Variants in BIN1 observed in about 807,000 individuals in gnomAD.
BIN1 encodes the protein myc box-dependent-interacting protein 1.
Under a neutral mutation model 82.0 loss-of-function variants are expected in BIN1, and 53 were observed. The observed-to-expected ratio is 0.65, with a 90% confidence interval of 0.52 to 0.81. BIN1 has a LOEUF of 0.81. Among genes scored for constraint, BIN1 ranks in the 40% least tolerant of loss-of-function variants. BIN1 has a pLI of 0.00. For synonymous variants in BIN1, 302 were observed against 328.0 expected, an observed-to-expected ratio of 0.92 and a Z score of 0.86; for missense variants, 642 against 784.4, an observed-to-expected ratio of 0.82 and a Z score of 2.17.
At chr2:127,056,902 A>G (rs753032057) in intron 12 of BIN1, among the ~76,000 whole-genome samples, 3 of 151,972 alleles carry the variant, frequency 2.0e-5, no homozygotes, top group Admixed American at 2.0e-4. Context: ...GAGACCCAAG[A>G]CCCTCTGCGT....
At chr2:127,084,996 T>A (rs1028306192) in intron 1 of BIN1, among the ~76,000 whole-genome samples, 3 of 152,136 alleles carry the variant, frequency 2.0e-5, no homozygotes, top group African/African-American at 7.2e-5. Context: ...AAGCTAGCAG[T>A]CTCCTGGTGA....
At chr2:127,062,387 A>C (rs1684621604) in intron 9 of BIN1, among the ~76,000 whole-genome samples, 190 bp from the exon 10 acceptor site, 1 of 152,232 alleles carries the variant, frequency 6.6e-6, no homozygotes, top group Non-Finnish European at 1.5e-5. Flanking sequence ...AAACGGGGCA[A>C]GTGGGCTATA....
intron 1 of BIN1, among the ~76,000 whole-genome samples, chr2:127,105,379 C>G (rs968987626): frequency 1.3e-5 from 2 of 152,014 alleles, no homozygotes; most frequent in Non-Finnish European, 1.5e-5. Context: ...CAGCCCGGAG[C>G]AGGGGTGGCT....
At position 127,048,407 on chromosome 2, in the gene BIN1, C is replaced by T; in HGVS notation, c.*119G>A. ...GAACGCCCCTCTGCCTGGGGGTCTC[C>T]TCTTGATTTCCCTTTGCTCTTCAAA... On this transcript the variant is annotated 3_prime_UTR_variant, in exon 19 of 19. Coordinates refer to ENST00000316724, the MANE Select transcript of BIN1 (RefSeq NM_139343.3). 1 of 995,106 alleles carries T rather than the reference C, an allele frequency of 1.0e-6. No homozygotes were observed. Among genetic ancestry groups the T allele is most frequent in the East Asian group, 2.5e-5 (1 of 39,968 alleles). The allele number at this position is 995,106 out of a possible 1,614,324, so 61.6% of individuals were successfully genotyped here.
intron 11 of BIN1, 150 bp downstream of exon 11, chr2:127,058,861 G>A: frequency 7.9e-7 from 1 of 1,261,422 alleles, no homozygotes; most frequent in Non-Finnish European, 1.1e-6. Context: ...GGAGACCCAG[G>A]TCCAGGCCCA....
intron 2 of BIN1, among the ~76,000 whole-genome samples, chr2:127,072,829 G>A (rs1026474808): frequency 6.6e-6 from 1 of 152,126 alleles, no homozygotes; most frequent in African/African-American, 2.4e-5. Flanking sequence ...CGGGGAATGA[G>A]GAAGGGTCCA....
At chr2:127,088,216 C>G (rs942912403) in intron 1 of BIN1, among the ~76,000 whole-genome samples, 5 of 152,200 alleles carry the variant, frequency 3.3e-5, no homozygotes, top group African/African-American at 1.2e-4. Context: ...AAGAGCAGGA[C>G]AGGCACAGAA....
chr2:127,106,118 C>T (rs778952746), intron 1 of BIN1, among the ~76,000 whole-genome samples: 3 of 152,238 alleles, frequency 2.0e-5, no homozygotes, highest in Non-Finnish European at 4.4e-5. Flanking sequence ...CTCCTCCAGG[C>T]CAGCTCCCCA....
At position 127,068,284 on chromosome 2, in the gene BIN1, G is replaced by T. The variant is rs375455406; in HGVS notation, c.520-29C>A. The T allele has an allele frequency of 1.9e-6, 3 of 1,578,682 alleles. No individual in the cohort carries two copies. Among genetic ancestry groups the T allele is most frequent in the Non-Finnish European group, 2.6e-6 (3 of 1,154,934 alleles). ...GGGTGGGGAGGTCAAGGCAAAGGAA[G>T]GTGGAGAGACCAGGGAGGTGGGGAG... is the stretch of plus-strand genomic sequence containing the variant. On this transcript the variant is annotated intron_variant, in intron 6 of 18. Transcript: ENST00000316724. The surrounding 1 kb of genome is among the most constrained non-coding windows in gnomAD (Gnocchi z 4.9).
intron 4 of BIN1, 71 bp downstream of exon 4, chr2:127,070,482 C>T (rs932663407): frequency 7.1e-6 from 11 of 1,560,188 alleles, no homozygotes; most frequent in African/African-American, 5.4e-5. Context: ...CCAGAGGGCA[C>T]GGCAGAGTGG....
At chr2:127,096,173 C>T (rs561656304) in intron 1 of BIN1, among the ~76,000 whole-genome samples, 1 of 152,258 alleles carries the variant, frequency 6.6e-6, no homozygotes, top group South Asian at 2.1e-4. Context: ...CCCTCTCCTC[C>T]CCATTCTATC....
chr2:127,070,165 AC>A, intron 4 of BIN1, 75 bp from the exon 5 acceptor site: 1 of 1,241,148 alleles, frequency 8.1e-7, no homozygotes, highest in Non-Finnish European at 1.2e-6. Context: ...CCTCGCAGGG[AC>A]CAGCCCCAGC....
chr2:127,079,753 C>T (rs569627876), intron 1 of BIN1, among the ~76,000 whole-genome samples: 11 of 152,362 alleles, frequency 7.2e-5, no homozygotes, highest in African/African-American at 2.4e-4. Context: ...GGGCTAAGCA[C>T]AGGACAGACA....
chr2:127,060,497 T>C, intron 10 of BIN1: 2 of 1,551,160 alleles, frequency 1.3e-6, no homozygotes, highest in Non-Finnish European at 1.8e-6. Context: ...AGAGCCAGAT[T>C]ACGGGTTAGT....
At chr2:127,099,616 C>A (rs1254666774) in intron 1 of BIN1, among the ~76,000 whole-genome samples, 2 of 152,144 alleles carry the variant, frequency 1.3e-5, no homozygotes, top group Non-Finnish European at 2.9e-5. Flanking sequence ...CGGGTTCAAG[C>A]GATTCTCCTG....
rs1005692105 is a variant in BIN1, at chr2:127,093,052, G to C, written c.84+13808C>G. Among the ~76,000 whole-genome samples the C allele has an allele frequency of 1.3e-5, 2 of 151,944 alleles. No individual in the cohort carries two copies. Among genetic ancestry groups the C allele is most frequent in the African/African-American group, 4.8e-5 (2 of 41,362 alleles). On this transcript the variant is annotated intron_variant, in intron 1 of 18. Coordinates refer to ENST00000316724, the MANE Select transcript of BIN1 (RefSeq NM_139343.3). The surrounding 1 kb of genome is among the most constrained non-coding windows in gnomAD (Gnocchi z 5.7). ...GGCACAGCCTGGGGGCCCCCCCACA[G>C]ATGCCAGGTCAGCCCCCAGCCACCC...
chr2:127,093,039 G>A lies in BIN1; in HGVS notation c.84+13821C>T, dbSNP rs978232786. ...GCCAAAGGAGTGGGGCACAGCCTGGGGGCCCCCCCACAGATGCCAGGTCAG... is the reference window on the plus strand; with the variant it reads ...GCCAAAGGAGTGGGGCACAGCCTGGAGGCCCCCCCACAGATGCCAGGTCAG... On this transcript the variant is annotated intron_variant, in intron 1 of 18. Coordinates refer to ENST00000316724, the MANE Select transcript of BIN1 (RefSeq NM_139343.3). The surrounding 1 kb of genome is among the most constrained non-coding windows in gnomAD (Gnocchi z 5.7). 6.6e-6 allele frequency among the ~76,000 whole-genome samples: 1 copy of A among 152,126 alleles called. No individual in the cohort carries two copies. Among genetic ancestry groups the A allele is most frequent in the African/African-American group, 2.4e-5 (1 of 41,444 alleles).
intron 1 of BIN1, among the ~76,000 whole-genome samples, chr2:127,080,740 C>A (rs901568113): frequency 2.7e-4 from 41 of 152,286 alleles, no homozygotes; most frequent in African/African-American, 8.4e-4. Context: ...AGCTGAAGTG[C>A]CTTGGAGGGG....
In BIN1 at chr2:127,050,960, C is replaced by A. The variant is rs773477009; in HGVS notation, c.1462-48G>T. On this transcript the variant is annotated intron_variant, in intron 16 of 18. Coordinates refer to ENST00000316724, the MANE Select transcript of BIN1 (RefSeq NM_139343.3). ...GCTGAGCAGGGAGGTGGTCCAGGGA[C>A]AGCCAGGGCCACCGAGGAGAAGAGG... The A allele has an allele frequency of 5.7e-6, 9 of 1,575,162 alleles. No homozygotes were observed. The South Asian group carries it at 1.0e-4, about 17-fold the overall frequency.
Sources: gnomAD v4.1 joint callset for allele counts (sites outside exome capture counted in the v4.1 genomes callset) on GRCh38, gnomAD v4.1.1 for gene constraint, Gnocchi (gnomAD v3.1) non-coding constraint, MANE v1.5 for transcripts, NCBI Gene and HGNC (gene_info 2026-07-23, HGNC 2026-07-21) for gene names.